CEP112: variants seen among roughly 807,000 people sequenced by gnomAD.
CEP112 encodes centrosomal protein of 112 kDa.
Under a neutral mutation model 153.0 loss-of-function variants are expected in CEP112, and 127 were observed. The ratio of observed to expected loss-of-function variants is 0.83; its 90% CI spans 0.72 to 0.96. CEP112 has a LOEUF of 0.96. Ranked by LOEUF, CEP112 falls within the 40% of genes least tolerant of loss-of-function variation. CEP112 has a pLI of 0.00. For synonymous variants in CEP112, 358 were observed against 374.4 expected (o/e 0.96, Z 0.51); for missense variants, 1,089 against 1,101.2 (o/e 0.99, Z 0.16).
At chr17:65,947,341 T>G (rs181791176) in intron 18 of CEP112, among the ~76,000 whole-genome samples, 1 of 152,062 alleles carries the variant, frequency 6.6e-6, no homozygotes, top group Non-Finnish European at 1.5e-5. Context: ...CAGTAGCTAG[T>G]AGAGAGCAGG....
intron 18 of CEP112, among the ~76,000 whole-genome samples, chr17:65,937,873 A>G (rs113248176): frequency 2.0e-4 from 21 of 107,092 alleles, no homozygotes; most frequent in East Asian, 1.6e-3. Context: ...CCTACTGGGA[A>G]GTGAGGAGCC....
intron 18 of CEP112, among the ~76,000 whole-genome samples, chr17:65,929,458 C>A (rs1180250036): frequency 6.6e-6 from 1 of 152,142 alleles, no homozygotes; most frequent in East Asian, 1.9e-4. Context: ...AGTATTGAGG[C>A]TTTGTTTAGC....
intron 12 of CEP112, among the ~76,000 whole-genome samples, chr17:66,035,274 G>T (rs1401524742): frequency 6.6e-6 from 1 of 151,982 alleles, no homozygotes; most frequent in East Asian, 1.9e-4. Context: ...ATGAGAGGAC[G>T]TGGTTCCTGT....
intron 6 of CEP112, among the ~76,000 whole-genome samples, chr17:66,108,232 G>C (rs1393784612): frequency 6.6e-6 from 1 of 152,078 alleles, no homozygotes; most frequent in Non-Finnish European, 1.5e-5. Context: ...CCAGGACATT[G>C]GAGTGGGCAA....
At chr17:66,188,502 C>G (rs1394022997) in intron 1 of CEP112, among the ~76,000 whole-genome samples, 1 of 146,652 alleles carries the variant, frequency 6.8e-6, no homozygotes, top group Non-Finnish European at 1.5e-5. Flanking sequence ...CTGAGTGAAG[C>G]TGGCCCCCCC....
intron 4 of CEP112, among the ~76,000 whole-genome samples, chr17:66,174,094 A>G (rs4791082): frequency 0.24 from 37,052 of 151,626 alleles, 4,706 homozygotes; most frequent in Middle Eastern, 0.36. Context: ...ACGCCTGGCT[A>G]ATTTTTTGTA....
chr17:65,766,935 T>G (rs183024030), intron 21 of CEP112, among the ~76,000 whole-genome samples: 4 of 144,812 alleles, frequency 2.8e-5, no homozygotes, highest in Non-Finnish European at 6.0e-5. Flanking sequence ...GAGAAACAGA[T>G]AGCAATACAG....
At position 66,066,762 on chromosome 17, in the gene CEP112, A is replaced by G; in HGVS notation, c.955+16T>C. On this transcript the variant is annotated intron_variant, in intron 10 of 26. Coordinates refer to ENST00000535342, the MANE Select transcript of CEP112 (RefSeq NM_001199165.4). ...GGAAATGTTATTAAAAGATGTATGT[A>G]ACAACACAACATCACCTTTCTTTTC... is the stretch of plus-strand genomic sequence containing the variant. The G allele has an allele frequency of 6.9e-7, 1 of 1,441,240 alleles. No homozygotes were observed. Among genetic ancestry groups the G allele is most frequent in the Non-Finnish European group, 9.3e-7 (1 of 1,078,508 alleles). 89.3% of individuals were successfully genotyped at this position (1,441,240 alleles called of 1,614,324 possible).
chr17:66,132,588 C>T (rs1568529771), intron 5 of CEP112, 82 bp downstream of exon 5: 76 of 968,480 alleles, frequency 7.8e-5, no homozygotes, highest in Non-Finnish European at 1.2e-4. Context: ...ATCATTGGTA[C>T]TTCAACAAAT....
At chr17:65,749,234 C>T (rs148252284) in intron 22 of CEP112, among the ~76,000 whole-genome samples, 65 of 152,146 alleles carry the variant, frequency 4.3e-4, no homozygotes, top group Admixed American at 2.7e-3. Flanking sequence ...AGGCCAGGTG[C>T]GGTGGCTCAT....
At chr17:66,025,040 G>A (rs1444065904) in intron 16 of CEP112, among the ~76,000 whole-genome samples, 1 of 152,082 alleles carries the variant, frequency 6.6e-6, no homozygotes, top group Non-Finnish European at 1.5e-5. Flanking sequence ...ACTGGGGGAA[G>A]GACACCCTTT....
intron 12 of CEP112, among the ~76,000 whole-genome samples, chr17:66,030,744 T>A (rs980233894): frequency 6.6e-6 from 1 of 152,180 alleles, no homozygotes; most frequent in Non-Finnish European, 1.5e-5. Flanking sequence ...ATCTTTTAGA[T>A]ACTTTATCTA....
chr17:65,725,498 G>A lies in CEP112; in HGVS notation c.2607+17570C>T, dbSNP rs547084028. Among the ~76,000 whole-genome samples, 6 of 152,174 alleles carry A rather than the reference G, an allele frequency of 3.9e-5. No individual in the cohort carries two copies. The East Asian group carries it at 5.8e-4, about 15-fold the overall frequency. On this transcript the variant is annotated intron_variant, in intron 23 of 26. Coordinates refer to ENST00000535342, the MANE Select transcript of CEP112 (RefSeq NM_001199165.4). The stretch of plus-strand genomic sequence containing the variant: ...GCGCCTGGCTAATCTTTTGTATCTC[G>A]TAGAAATGGGGTTTCACCACGTTGG...
At chr17:65,935,565 T>A (rs1599064915) in intron 18 of CEP112, among the ~76,000 whole-genome samples, 1 of 152,156 alleles carries the variant, frequency 6.6e-6, no homozygotes, top group Non-Finnish European at 1.5e-5. Context: ...TAATATAAAG[T>A]GTCTTTTTCA....
chr17:66,017,971 G>A (rs1421550400), intron 16 of CEP112, among the ~76,000 whole-genome samples: 1 of 149,514 alleles, frequency 6.7e-6, no homozygotes, highest in African/African-American at 2.5e-5. Flanking sequence ...CTGCACTTCA[G>A]CCTGGGCAAC....
intron 20 of CEP112, among the ~76,000 whole-genome samples, chr17:65,864,968 G>A (rs1350320926): frequency 1.8e-5 from 2 of 112,360 alleles, no homozygotes; most frequent in Non-Finnish European, 3.7e-5. Context: ...GTGTGTGTGT[G>A]TACATATCTA....
chr17:65,932,087 T>C (rs2061145211), intron 18 of CEP112, among the ~76,000 whole-genome samples: 1 of 152,206 alleles, frequency 6.6e-6, no homozygotes, highest in African/African-American at 2.4e-5. Flanking sequence ...TGCTTGATTA[T>C]GCAGCCTAGC....
intron 21 of CEP112, among the ~76,000 whole-genome samples, chr17:65,761,381 T>A (rs997559229): frequency 1.3e-5 from 2 of 152,094 alleles, no homozygotes; most frequent in Non-Finnish European, 2.9e-5. Flanking sequence ...TAGCTAGGAT[T>A]ACAGGTACAT....
intron 23 of CEP112, among the ~76,000 whole-genome samples, chr17:65,740,863 C>A (rs1161546913): frequency 6.6e-6 from 1 of 152,156 alleles, no homozygotes; most frequent in East Asian, 1.9e-4. Flanking sequence ...ATGTCCAAAT[C>A]AAACACCTGT....
Sources: allele counts gnomAD v4.1 joint callset (sites outside exome capture counted in the v4.1 genomes callset), GRCh38; gene constraint gnomAD v4.1.1; transcripts MANE v1.5; gene names NCBI Gene and HGNC (gene_info 2026-07-23, HGNC 2026-07-21).